Variants in SERBP1 observed in about 807,000 individuals in gnomAD.
The protein encoded by SERBP1 is SERPINE1 mRNA-binding protein 1.
SERBP1 carries 6 observed loss-of-function variants against 50.2 expected under a neutral mutation model. The ratio of observed to expected loss-of-function variants is 0.12; its 90% CI spans 0.07 to 0.24. The LOEUF (loss-of-function observed/expected upper bound fraction) is 0.24. SERBP1 is among the 10% of genes least tolerant of loss of function. The pLI is 1.00. For missense variants in SERBP1, 346 were observed against 524.9 expected (o/e 0.66, Z 3.33); for synonymous variants, 168 against 182.8 (o/e 0.92, Z 0.65).
rs1007693430 is a variant in SERBP1 at position 67,408,588 on chromosome 1, A to G, written c.*4619T>C. ...TAAGCTCAAAAAAAAAAAAAAAAAG[A>G]TGCAATCTCCAGGAGCCATTAATTT... On this transcript the variant is annotated 3_prime_UTR_variant, in exon 8 of 8. Transcript: ENST00000361219. 1 of 143,318 alleles carries G rather than the reference A, an allele frequency of 7.0e-6. No homozygotes were observed. The highest frequency in any genetic ancestry group is 7.0e-5 in the Admixed American group (1 of 14,376). 8.9% of individuals were successfully genotyped at this position (143,318 alleles called of 1,614,324 possible). A position where few individuals can be genotyped will look rare whatever the true frequency, so the allele number is the denominator to read the frequency against.
chr1:67,420,323 A>T, intron 5 of SERBP1, 137 bp from the exon 6 acceptor site: 1 of 763,470 alleles, frequency 1.3e-6, no homozygotes, highest in Non-Finnish European at 2.0e-6. Context: ...AGGGTACCCT[A>T]GTTTCCTATG....
In SERBP1 at chr1:67,430,267, C is replaced by G; in HGVS notation, c.34G>C (p.Val12Leu). 1 of 1,557,784 alleles carries G rather than the reference C, an allele frequency of 6.4e-7. No homozygotes were observed. Among genetic ancestry groups the G allele is most frequent in the South Asian group, 1.2e-5 (1 of 82,734 alleles). The part of the protein sequence containing the change: ...PGHLQEGFGC[V>L]VTNRFDQLFD... ...AACTGGTCGAATCGGTTGGTGACCA[C>G]GCAGCCGAAGCCTTCCTGTAAGTGC... Residue 12 changes from valine to leucine, a missense_variant, in exon 1 of 8, where the codon GTG (valine) becomes CTG (leucine). Physicochemically the swap from Val to Leu is conservative, Grantham distance 32. Transcript: ENST00000361219.
intron 5 of SERBP1, among the ~76,000 whole-genome samples, chr1:67,423,231 G>A (rs1259338165): frequency 2.6e-5 from 4 of 151,890 alleles, no homozygotes; most frequent in African/African-American, 7.3e-5. Context: ...CCCGGGAGGC[G>A]GAGGTTGCAG....
chr1:67,415,137 T>C (rs760358469), intron 7 of SERBP1, 29 bp downstream of exon 7: 5 of 1,544,406 alleles, frequency 3.2e-6, no homozygotes, highest in African/African-American at 1.4e-5. Context: ...CCTTAAATTA[T>C]GTAAAAGGAA....
At chr1:67,414,403 T>C (rs1182093221) in intron 7 of SERBP1, among the ~76,000 whole-genome samples, 1 of 152,116 alleles carries the variant, frequency 6.6e-6, no homozygotes, top group Admixed American at 6.6e-5. Flanking sequence ...AGGAACAAAG[T>C]ATCATTACAC....
At chr1:67,423,159 C>G (rs546337509) in intron 5 of SERBP1, among the ~76,000 whole-genome samples, 1 of 151,234 alleles carries the variant, frequency 6.6e-6, no homozygotes, top group Non-Finnish European at 1.5e-5. Context: ...ATTAGCCAGG[C>G]ATGGTGGCGG....
In SERBP1 at chr1:67,408,991, A is replaced by T. The variant is rs1666727094; in HGVS notation, c.*4216T>A. ...ATTTTTCAGACAGTGTGTCACCCAG[A>T]CTGGAGTACAGTGCTATGATCTTGG... On this transcript the variant is annotated 3_prime_UTR_variant, in exon 8 of 8. Coordinates refer to ENST00000361219, the MANE Select transcript of SERBP1 (RefSeq NM_001018069.2). 6.6e-6 allele frequency: 1 copy of T among 152,058 alleles called. No individual in the cohort carries two copies. Among genetic ancestry groups the T allele is most frequent in the East Asian group, 2.0e-4 (1 of 5,124 alleles). 9.4% of individuals were successfully genotyped at this position (152,058 alleles called of 1,614,324 possible).
Position 67,408,874 on chromosome 1 carries a change from T to C in SERBP1, c.*4333A>G, listed in dbSNP as rs1449449463. 1 of 152,190 alleles carries C rather than the reference T, an allele frequency of 6.6e-6. No individual in the cohort carries two copies. The highest frequency in any genetic ancestry group is 1.5e-5 in the Non-Finnish European group (1 of 68,028). The allele number at this position is 152,190 out of a possible 1,614,324, so 9.4% of individuals were successfully genotyped here. A position where few individuals can be genotyped will look rare whatever the true frequency, so the allele number is the denominator to read the frequency against. On this transcript the variant is annotated 3_prime_UTR_variant, in exon 8 of 8. Transcript: ENST00000361219. Reference sequence around the variant, plus strand: ...TTTTATCTTGCCCTTACTTTGATTATATAGAGGTGTAAAGTATGCTTTAAA... The same window carrying C: ...TTTTATCTTGCCCTTACTTTGATTACATAGAGGTGTAAAGTATGCTTTAAA...
chr1:67,414,317 G>C (rs932741339), intron 7 of SERBP1, among the ~76,000 whole-genome samples: 1 of 151,276 alleles, frequency 6.6e-6, no homozygotes, highest in South Asian at 2.1e-4. Flanking sequence ...ATAAATAACA[G>C]AACTAAAAAA....
chr1:67,428,374 T>C (rs1667456134), intron 1 of SERBP1, among the ~76,000 whole-genome samples: 1 of 152,260 alleles, frequency 6.6e-6, no homozygotes, highest in South Asian at 2.1e-4. Flanking sequence ...ATGATCAAAA[T>C]AACTCAGGCA....
Position 67,413,023 on chromosome 1 carries a change from T to C in SERBP1, c.*184A>G. The C allele has an allele frequency of 1.4e-6, 1 of 697,058 alleles. No individual in the cohort carries two copies. 43.2% of individuals were successfully genotyped at this position (697,058 alleles called of 1,614,324 possible). On this transcript the variant is annotated 3_prime_UTR_variant, in exon 8 of 8. Coordinates refer to ENST00000361219, the MANE Select transcript of SERBP1 (RefSeq NM_001018069.2). ...CTAAATACAAAACTGACTACCATAT[T>C]TGTTACTTCTGTGTAGCGGGAGAAG...
In SERBP1 at chr1:67,409,421, C is replaced by CACACACACACACACACACACACA. The variant is rs1553132862; in HGVS notation, c.*3785_*3786insTGTGTGTGTGTGTGTGTGTGTGT. 3 of 108,950 alleles carry CACACACACACACACACACACACA rather than the reference C, an allele frequency of 2.8e-5. No individual in the cohort carries two copies. The highest frequency in any genetic ancestry group is 3.2e-4 in the East Asian group (1 of 3,120). 6.7% of individuals were successfully genotyped at this position (108,950 alleles called of 1,614,324 possible). On this transcript the variant is annotated 3_prime_UTR_variant, in exon 8 of 8. Coordinates refer to ENST00000361219, the MANE Select transcript of SERBP1 (RefSeq NM_001018069.2). Reference sequence around the variant, plus strand: ...CACACACACACACACACACACACACCCCCACACACACCAGGTCACAGGCTG... The same window carrying CACACACACACACACACACACACA: ...CACACACACACACACACACACACACCACACACACACACACACACACACACCCACACACACCAGGTCACAGGCTG...
intron 7 of SERBP1, 63 bp from the exon 8 acceptor site, chr1:67,413,326 G>T: frequency 7.2e-7 from 1 of 1,388,928 alleles, no homozygotes; most frequent in Non-Finnish European, 9.8e-7. Flanking sequence ...TTGTTAGCTA[G>T]TGTCTACATT....
chr1:67,421,268 T>A (rs533866679), intron 5 of SERBP1, among the ~76,000 whole-genome samples: 1 of 152,216 alleles, frequency 6.6e-6, no homozygotes, highest in Non-Finnish European at 1.5e-5. Flanking sequence ...CTTACCCATA[T>A]GTTATGACAC....
chr1:67,429,826 G>A (rs926879960), intron 1 of SERBP1, among the ~76,000 whole-genome samples, 162 bp downstream of exon 1: 16 of 152,170 alleles, frequency 1.1e-4, no homozygotes, highest in African/African-American at 3.6e-4. Flanking sequence ...CCACGCTCCT[G>A]GCACCTTCGC....
rs1553132862 is a variant in SERBP1 at position 67,409,421 on chromosome 1, C to CACACCCA, written c.*3785_*3786insTGGGTGT. ...CACACACACACACACACACACACACCCCCACACACACCAGGTCACAGGCTG... is the reference window on the plus strand; with the variant it reads ...CACACACACACACACACACACACACCACACCCACCCACACACACCAGGTCACAGGCTG... On this transcript the variant is annotated 3_prime_UTR_variant, in exon 8 of 8. Transcript: ENST00000361219. The CACACCCA allele has an allele frequency of 1.9e-4, 21 of 108,960 alleles. No homozygotes were observed. The highest frequency in any genetic ancestry group is 8.0e-4 in the African/African-American group (20 of 24,906). 6.7% of individuals were successfully genotyped at this position (108,960 alleles called of 1,614,324 possible). A position where few individuals can be genotyped will look rare whatever the true frequency, so the allele number is the denominator to read the frequency against.
In SERBP1 at chr1:67,430,374, C is replaced by G; in HGVS notation, c.-74G>C. ...CGAGCCAAGAGCGCCTGCTTCAGCT[C>G]TTCCCACAAGATGGCCGGGCCGAGA... is the stretch of plus-strand genomic sequence containing the variant. On this transcript the variant is annotated 5_prime_UTR_variant, in exon 1 of 8. Transcript: ENST00000361219. 2 of 1,442,148 alleles carry G rather than the reference C, an allele frequency of 1.4e-6. No homozygotes were observed. The highest frequency in any genetic ancestry group is 1.9e-6 in the Non-Finnish European group (2 of 1,079,132). The allele number at this position is 1,442,148 out of a possible 1,614,324, so 89.3% of individuals were successfully genotyped here. A position where few individuals can be genotyped will look rare whatever the true frequency, so the allele number is the denominator to read the frequency against.
At chr1:67,422,960 CAAACAAAACA>C (rs57255283) in intron 5 of SERBP1, among the ~76,000 whole-genome samples, 105,714 of 147,400 alleles carry the variant, frequency 0.72, 40,576 homozygotes, top group South Asian at 0.84. Flanking sequence ...AGAATGTCTC[CAAACAAAACA>C]AAACAAAACA....
Position 67,412,916 on chromosome 1 carries a change from T to C in SERBP1, c.*291A>G, listed in dbSNP as rs1557499050. The C allele has an allele frequency of 1.2e-5, 5 of 407,236 alleles. No individual in the cohort carries two copies. The highest frequency in any genetic ancestry group is 2.2e-5 in the Non-Finnish European group (5 of 230,168). 25.2% of individuals were successfully genotyped at this position (407,236 alleles called of 1,614,324 possible). Reference sequence around the variant, plus strand: ...ATATTTCAAGTTTGGAAATGCATATTTGCAAGCAGCAATACAAAAGTATTC... The same window carrying C: ...ATATTTCAAGTTTGGAAATGCATATCTGCAAGCAGCAATACAAAAGTATTC... On this transcript the variant is annotated 3_prime_UTR_variant, in exon 8 of 8. Coordinates refer to ENST00000361219, the MANE Select transcript of SERBP1 (RefSeq NM_001018069.2).
Sources: allele counts gnomAD v4.1 joint callset (sites outside exome capture counted in the v4.1 genomes callset), GRCh38; gene constraint gnomAD v4.1.1; transcripts MANE v1.5; gene names NCBI Gene and HGNC (gene_info 2026-07-23, HGNC 2026-07-21).